The following IDE variants were observed in gnomAD, a reference collection of about 807,000 sequenced individuals.
IDE encodes the protein insulin-degrading enzyme.
Under a neutral mutation model 133.2 loss-of-function variants are expected in IDE, and 58 were observed. The ratio of observed to expected loss-of-function variants is 0.44; its 90% CI spans 0.35 to 0.54. The LOEUF (loss-of-function observed/expected upper bound fraction) is 0.54, where lower values mean the gene tolerates loss of function less well. Among genes scored for constraint, IDE ranks in the 20% least tolerant of loss-of-function variants. The probability of loss-of-function intolerance (pLI) is 0.00; values close to 1 mark genes in which losing one functional copy is unlikely to be tolerated. For synonymous variants in IDE, 396 were observed against 421.3 expected (o/e 0.94, Z 0.73); for missense variants, 981 against 1,234.0 (o/e 0.79, Z 3.07).
chr10:92,479,189 A>G, intron 15 of IDE, 88 bp downstream of exon 15: 1 of 901,888 alleles, frequency 1.1e-6, no homozygotes, highest in Non-Finnish European at 1.6e-6. Flanking sequence ...AAAAGAAATT[A>G]AACTCACACC....
At chr10:92,499,487 C>A (rs1847894660) in intron 11 of IDE, among the ~76,000 whole-genome samples, 1 of 151,478 alleles carries the variant, frequency 6.6e-6, no homozygotes, top group African/African-American at 2.4e-5. Flanking sequence ...GGCTGGAGTG[C>A]AGTGGTATGA....
intron 1 of IDE, 104 bp downstream of exon 1, chr10:92,573,818 G>A (rs1172931042): frequency 7.3e-5 from 57 of 780,946 alleles, no homozygotes; most frequent in Non-Finnish European, 1.0e-4. Context: ...CGGCGTGAGG[G>A]GCAGCGGTGG....
chr10:92,573,497 C>A (rs1036816289), intron 1 of IDE, among the ~76,000 whole-genome samples: 1 of 152,228 alleles, frequency 6.6e-6, no homozygotes, highest in South Asian at 2.1e-4. Context: ...GAAGCGGTCC[C>A]CCCGAAGTCG....
chr10:92,474,320 C>T (rs1335807842), intron 17 of IDE, among the ~76,000 whole-genome samples: 2 of 152,036 alleles, frequency 1.3e-5, no homozygotes, highest in African/African-American at 4.8e-5. Flanking sequence ...CTCCTTTCTC[C>T]GCCTCCCAAA....
At chr10:92,539,232 C>G (rs746900892) in intron 1 of IDE, among the ~76,000 whole-genome samples, 17 of 150,392 alleles carry the variant, frequency 1.1e-4, no homozygotes, top group Non-Finnish European at 1.9e-4. Context: ...GCTGATAGAT[C>G]TTCTTTAGAG....
intron 1 of IDE, among the ~76,000 whole-genome samples, chr10:92,552,145 C>T (rs1842815184): frequency 6.6e-6 from 1 of 152,104 alleles, no homozygotes; most frequent in Admixed American, 6.5e-5. Flanking sequence ...AAGAAAAGAA[C>T]TTAACTATGG....
At chr10:92,470,460 T>C (rs762503910) in intron 17 of IDE, 115 bp from the exon 18 acceptor site, 9 of 502,002 alleles carry the variant, frequency 1.8e-5, no homozygotes, top group South Asian at 4.7e-5. Context: ...CTGTAAACAC[T>C]TCACCTAGTT....
intron 15 of IDE, among the ~76,000 whole-genome samples, chr10:92,476,256 C>A (rs1846247588): frequency 6.6e-6 from 1 of 151,866 alleles, no homozygotes; most frequent in Non-Finnish European, 1.5e-5. Flanking sequence ...TCACTGCAAC[C>A]TCAGCCTCCC....
At chr10:92,512,795 A>C (rs1221758747) in intron 5 of IDE, among the ~76,000 whole-genome samples, 1 of 152,196 alleles carries the variant, frequency 6.6e-6, no homozygotes, top group Non-Finnish European at 1.5e-5. Flanking sequence ...AATAGCAGAA[A>C]ACTTAGAAAC....
chr10:92,454,363 TAAAG>T lies in IDE; in HGVS notation c.*77_*80del. On this transcript the variant is annotated 3_prime_UTR_variant, in exon 25 of 25. Transcript: ENST00000265986. ...TCTCTAATAGTGAATCAGAAACTAT[TAAAG>T]TGGCCAAGATGATTTTCTTAGGCTC... 1 of 947,438 alleles carries T rather than the reference TAAAG, an allele frequency of 1.1e-6. No individual in the cohort carries two copies. The highest frequency in any genetic ancestry group is 1.7e-6 in the Non-Finnish European group (1 of 578,696). The allele number at this position is 947,438 out of a possible 1,614,324, so 58.7% of individuals were successfully genotyped here. A position where few individuals can be genotyped will look rare whatever the true frequency, so the allele number is the denominator to read the frequency against.
chr10:92,552,081 C>T (rs1472052177), intron 1 of IDE, among the ~76,000 whole-genome samples: 1 of 152,094 alleles, frequency 6.6e-6, no homozygotes, highest in Non-Finnish European at 1.5e-5. Context: ...AATATTCTAA[C>T]AAACTAACCT....
chr10:92,463,648 C>A (rs1845513860), intron 21 of IDE, 83 bp downstream of exon 21: 1 of 1,307,570 alleles, frequency 7.6e-7, no homozygotes, highest in Middle Eastern at 1.9e-4. Flanking sequence ...ATATCACCTA[C>A]AAAATGAATA....
chr10:92,496,460 G>A (rs1481271035), intron 11 of IDE, among the ~76,000 whole-genome samples: 1 of 152,096 alleles, frequency 6.6e-6, no homozygotes, highest in African/African-American at 2.4e-5. Flanking sequence ...CAGAAAAAAG[G>A]AGTTGAAGAT....
At chr10:92,461,053 C>T in intron 22 of IDE, 138 bp downstream of exon 22, 1 of 524,156 alleles carries the variant, frequency 1.9e-6, no homozygotes, top group Non-Finnish European at 3.5e-6. Context: ...GTTGGCCAGG[C>T]TGGTCTTTAA....
At chr10:92,510,004 A>G (rs1411223040) in intron 6 of IDE, 46 bp downstream of exon 6, 9 of 888,990 alleles carry the variant, frequency 1.0e-5, no homozygotes, top group Non-Finnish European at 1.5e-5. Context: ...GGTATATATT[A>G]TGTCCATAAA....
intron 21 of IDE, among the ~76,000 whole-genome samples, chr10:92,463,287 G>A (rs1845494804): frequency 1.3e-5 from 2 of 152,156 alleles, no homozygotes; most frequent in African/African-American, 4.8e-5. Flanking sequence ...TCCCAAATCT[G>A]AAAGGAGTGA....
In IDE at chr10:92,490,545, T is replaced by C; in HGVS notation, c.1481A>G (p.Glu494Gly). Residue 494 changes from glutamate to glycine, a missense_variant, in exon 12 of 25, where the codon GAG (glutamate) becomes GGG (glycine). Glu to Gly is a moderately conservative substitution (Grantham distance 98). Coordinates refer to ENST00000265986, the MANE Select transcript of IDE (RefSeq NM_004969.4). ...SFEGKTDRTEEWYGTQYKQEA... is the reference protein window; with the variant it reads ...SFEGKTDRTEGWYGTQYKQEA... ...TTGTTTGTACTGGGTTCCATACCAC[T>C]CTTCTGTGCGATCAGTTTTTCCTTC... 6.2e-7 allele frequency: 1 copy of C among 1,613,440 alleles called. No homozygotes were observed. The highest frequency in any genetic ancestry group is 2.2e-5 in the East Asian group (1 of 44,874).
chr10:92,562,120 C>G (rs547212207), intron 1 of IDE, among the ~76,000 whole-genome samples: 2 of 152,184 alleles, frequency 1.3e-5, no homozygotes, highest in Non-Finnish European at 2.9e-5. Flanking sequence ...ACCAGATTAT[C>G]CCTTTTTCCC....
intron 1 of IDE, among the ~76,000 whole-genome samples, chr10:92,571,927 T>G (rs1843805963): frequency 6.6e-6 from 1 of 152,244 alleles, no homozygotes; most frequent in African/African-American, 2.4e-5. Context: ...TAGCTTCAGA[T>G]GTTAGTGCTT....
Sources: allele counts gnomAD v4.1 joint callset (sites outside exome capture counted in the v4.1 genomes callset), GRCh38; gene constraint gnomAD v4.1.1; transcripts MANE v1.5; gene names NCBI Gene and HGNC (gene_info 2026-07-23, HGNC 2026-07-21).